Variants in ARL17A observed in about 807,000 individuals in gnomAD.
ARL17A encodes the protein ARF like GTPase 17A.
intron 4 of ARL17A, among the ~76,000 whole-genome samples, chr17:46,537,108 C>T (rs1260176983): frequency 2.1e-5 from 1 of 47,210 alleles, no homozygotes; most frequent in East Asian, 1.4e-3. Context: ...TTTTTTTTTG[C>T]TATTTTTTTT....
downstream of ARL17A, chr17:46,548,800 C>G: frequency 6.2e-7 from 1 of 1,611,964 alleles, no homozygotes; most frequent in Non-Finnish European, 8.5e-7. Context: ...CCACACACAG[C>G]AGGGGCCTGA....
intron 3 of ARL17A, among the ~76,000 whole-genome samples, chr17:46,545,777 G>C (rs1176870459): frequency 2.7e-5 from 4 of 146,806 alleles, no homozygotes; most frequent in Admixed American, 6.7e-5. Context: ...AAATTGTCCA[G>C]ATTTGACCAA....
intron 3 of ARL17A, among the ~76,000 whole-genome samples, chr17:46,542,757 A>T (rs1464071633): frequency 6.7e-6 from 1 of 150,340 alleles, no homozygotes; most frequent in African/African-American, 2.5e-5. Context: ...GCGGGGCCCT[A>T]TTGTGAGTTT....
rs535579066 is a variant in ARL17A, at chr17:46,542,748, C to T, written c.260-4322G>A. ...GTGTATATATGTATATGTATGCCTGCGGGGCCCTATTGTGAGTTTGTTACA... is the reference window on the plus strand; with the variant it reads ...GTGTATATATGTATATGTATGCCTGTGGGGCCCTATTGTGAGTTTGTTACA... On this transcript the variant is annotated intron_variant, in intron 3 of 4. Coordinates refer to the ARL17A transcript ENST00000329240. 8.6e-5 allele frequency among the ~76,000 whole-genome samples: 13 copies of T among 150,306 alleles called. 2 individuals carry two copies. The highest frequency in any genetic ancestry group is 2.8e-4 in the African/African-American group (11 of 39,738).
downstream of ARL17A, among the ~76,000 whole-genome samples, chr17:46,551,261 G>A (rs1307611651): frequency 1.3e-5 from 2 of 149,356 alleles, no homozygotes; most frequent in East Asian, 3.9e-4. Flanking sequence ...GCCCATTCCT[G>A]GAGCTTGCCT....
At position 46,554,327 on chromosome 17, in the gene ARL17A, T is replaced by G; in HGVS notation, c.*3029A>C. Reference sequence around the variant, plus strand: ...GTGTAATCCCAGCTACTTGGGAGGCTGAGGCAGGAGAACTGCTTGAGCCCA... The same window carrying G: ...GTGTAATCCCAGCTACTTGGGAGGCGGAGGCAGGAGAACTGCTTGAGCCCA... On this transcript the variant is annotated 3_prime_UTR_variant, in exon 4 of 4. Transcript: ENST00000336125. The G allele has an allele frequency of 1.1e-5, 1 of 92,118 alleles. No individual in the cohort carries two copies. The highest frequency in any genetic ancestry group is 1.8e-5 in the Non-Finnish European group (1 of 56,850). The allele number at this position is 92,118 out of a possible 1,614,324, so 5.7% of individuals were successfully genotyped here.
intron 3 of ARL17A, among the ~76,000 whole-genome samples, chr17:46,519,880 A>G (rs2052066019): frequency 7.6e-6 from 1 of 131,570 alleles, no homozygotes; most frequent in Admixed American, 7.8e-5. Flanking sequence ...AGAGGAGGAA[A>G]TGGAGGTTCT....
chr17:46,548,587 A>G (rs1465662644), downstream of ARL17A: 1 of 1,580,298 alleles, frequency 6.3e-7, no homozygotes, highest in African/African-American at 1.6e-5. Flanking sequence ...CACAGGAAAC[A>G]GCCTGGCAAA....
At chr17:46,545,681 CTCTT>C (rs1225514551) in intron 3 of ARL17A, among the ~76,000 whole-genome samples, 2 of 117,836 alleles carry the variant, frequency 1.7e-5, no homozygotes, top group Non-Finnish European at 3.3e-5. Flanking sequence ...AGAACTCCTC[CTCTT>C]TCTTTTTCAA....
chr17:46,533,576 G>A (rs1261858576), intron 4 of ARL17A, among the ~76,000 whole-genome samples: 4 of 111,878 alleles, frequency 3.6e-5, no homozygotes, highest in Non-Finnish European at 6.8e-5. Context: ...ATCTTTACTC[G>A]CCGCAACCTC....
intron 3 of ARL17A, among the ~76,000 whole-genome samples, chr17:46,520,822 G>A (rs2144905439): frequency 1.8e-5 from 1 of 55,018 alleles, no homozygotes; most frequent in East Asian, 2.9e-4. Flanking sequence ...TCAGATGGTT[G>A]CCTAAAGGAG....
intron 4 of ARL17A, among the ~76,000 whole-genome samples, chr17:46,532,234 A>G (rs2053770412): frequency 1.3e-5 from 2 of 148,674 alleles, no homozygotes; most frequent in African/African-American, 2.6e-5. Context: ...AAAAACAACA[A>G]TTGTAGTGAA....
At chr17:46,516,694 A>C (rs1316047260), downstream of ARL17A, 2 of 164,912 alleles carry the variant, frequency 1.2e-5, no homozygotes, top group Non-Finnish European at 2.6e-5. Context: ...CAAGCAAGAG[A>C]GATTACATGA....
chr17:46,528,736 A>G (rs2053166767), downstream of ARL17A: 6 of 668,312 alleles, frequency 9.0e-6, no homozygotes, highest in East Asian at 8.2e-5. Context: ...AAAAAAAAAA[A>G]AAAAAGGAAA....
chr17:46,525,602 T>TAATATA (rs1346950818), downstream of ARL17A, among the ~76,000 whole-genome samples: 13 of 103,256 alleles, frequency 1.3e-4, no homozygotes, highest in East Asian at 8.0e-4. Context: ...ATAATAATAA[T>TAATATA]ATAATAATAA....
At chr17:46,575,051 G>A (rs1269571507) in intron 2 of ARL17A, among the ~76,000 whole-genome samples, 2 of 81,496 alleles carry the variant, frequency 2.5e-5, no homozygotes, top group South Asian at 4.8e-4. Context: ...AGCCGAGATC[G>A]CGCCACTGTA....
At chr17:46,558,824 ACCT>A (rs1894357781) in intron 3 of ARL17A, 1 of 111,212 alleles carries the variant, frequency 9.0e-6, no homozygotes, top group Admixed American at 9.9e-5. Context: ...AGAAAAAGGG[ACCT>A]CTTTTATTCT....
chr17:46,543,273 CAT>C (rs2055724299), intron 3 of ARL17A, among the ~76,000 whole-genome samples: 1 of 150,416 alleles, frequency 6.6e-6, no homozygotes, highest in Non-Finnish European at 1.5e-5. Flanking sequence ...AGTCTTGGCT[CAT>C]GTGTAATGAT....
the ARL17A span, among the ~76,000 whole-genome samples, chr17:46,503,399 A>G: frequency 6.8e-6 from 1 of 147,400 alleles, no homozygotes; most frequent in Non-Finnish European, 1.5e-5. Context: ...AGAATAAGAT[A>G]TGTTTTCCTC....
Sources: allele counts gnomAD v4.1 joint callset (sites outside exome capture counted in the v4.1 genomes callset), GRCh38; gene constraint gnomAD v4.1.1; transcripts MANE v1.5; gene names NCBI Gene and HGNC (gene_info 2026-07-23, HGNC 2026-07-21).